Variants in PHF21B observed in about 807,000 individuals in gnomAD.
PHF21B encodes the protein PHD finger protein 4.
PHF21B carries 22 observed loss-of-function variants against 62.2 expected under a neutral mutation model. That is an observed-to-expected ratio of 0.35 (90% CI 0.25 to 0.51). The LOEUF (loss-of-function observed/expected upper bound fraction) is 0.51. Among genes scored for constraint, PHF21B ranks in the 20% least tolerant of loss-of-function variants. The pLI, the probability that PHF21B is intolerant of heterozygous loss-of-function variation, is 0.97. For missense variants in PHF21B, 701 were observed against 707.9 expected (o/e 0.99, Z 0.11); for synonymous variants, 341 against 314.7 (o/e 1.08, Z -0.88).
At chr22:44,977,446 G>C (rs55809619) in intron 2 of PHF21B, among the ~76,000 whole-genome samples, 3 of 151,996 alleles carry the variant, frequency 2.0e-5, no homozygotes, top group African/African-American at 7.3e-5. Flanking sequence ...GCGCCTGTAA[G>C]CCCAGCTACT....
chr22:44,919,703 G>C (rs1415482825), intron 3 of PHF21B, among the ~76,000 whole-genome samples: 1 of 152,250 alleles, frequency 6.6e-6, no homozygotes. Context: ...AGCTGAGCTT[G>C]TGGTAATAAG....
At chr22:44,963,718 C>A (rs2072470037) in intron 2 of PHF21B, among the ~76,000 whole-genome samples, 1 of 152,224 alleles carries the variant, frequency 6.6e-6, no homozygotes. Context: ...CCAGGCCCAG[C>A]ACCTGAACTC....
At chr22:44,957,618 A>G (rs2072327998) in intron 2 of PHF21B, among the ~76,000 whole-genome samples, 1 of 152,002 alleles carries the variant, frequency 6.6e-6, no homozygotes, top group Non-Finnish European at 1.5e-5. Context: ...TCCTCCTGCT[A>G]ATTTTTCCTA....
intron 2 of PHF21B, among the ~76,000 whole-genome samples, chr22:44,931,431 G>A (rs746098935): frequency 2.0e-5 from 3 of 152,130 alleles, no homozygotes; most frequent in Admixed American, 6.5e-5. Context: ...TTAACCAATC[G>A]CAGAGGCCTT....
chr22:44,891,322 C>T lies in PHF21B; in HGVS notation c.999G>A (p.Leu333=). Residue 333 remains leucine (L), a synonymous_variant, in exon 8 of 13, where the codon CTG becomes CTA. Transcript: ENST00000313237. ...GGTGCTTACCTCTCGCTGTGAGGAACAGGGGGTTGTTGAGATAGTTGGAGG... is the reference window on the plus strand; with the variant it reads ...GGTGCTTACCTCTCGCTGTGAGGAATAGGGGGTTGTTGAGATAGTTGGAGG... ...RLASNYLNNP[L]FLTARANEDP... 1.2e-6 allele frequency: 2 copies of T among 1,614,042 alleles called. No homozygotes were observed. The highest frequency in any genetic ancestry group is 1.7e-6 in the Non-Finnish European group (2 of 1,180,024).
In PHF21B at chr22:44,913,932, G is replaced by C; in HGVS notation, c.721C>G (p.Gln241Glu). 3 of 1,613,784 alleles carry C rather than the reference G, an allele frequency of 1.9e-6. No individual in the cohort carries two copies. Among genetic ancestry groups the C allele is most frequent in the Non-Finnish European group, 1.7e-6 (2 of 1,179,926 alleles). ...VIIIQPQVQTQPESTAESRPP... is the reference protein window; with the variant it reads ...VIIIQPQVQTEPESTAESRPP... Reference sequence around the variant, plus strand: ...CGCGACTCTGCCGTGCTCTCGGGCTGCGTCTGCACTTGAGGCTGAATGATG... The same window carrying C: ...CGCGACTCTGCCGTGCTCTCGGGCTCCGTCTGCACTTGAGGCTGAATGATG... The change falls in exon 5 of 13, where the codon CAG (glutamine) becomes GAG (glutamate). Residue 241 changes from glutamine to glutamate, a missense_variant. By Grantham distance (29) the Gln-to-Glu change is conservative. Transcript: ENST00000313237.
chr22:44,910,490 G>A (rs1198003696), intron 5 of PHF21B, among the ~76,000 whole-genome samples: 1 of 152,162 alleles, frequency 6.6e-6, no homozygotes, highest in East Asian at 1.9e-4. Context: ...GACCTGGTGG[G>A]AGGTAATTGA....
Position 44,887,395 on chromosome 22 carries a change from T to C in PHF21B, c.1197+568A>G, listed in dbSNP as rs183199940. On this transcript the variant is annotated intron_variant, in intron 10 of 12. Transcript: ENST00000313237. ...TGTTTTTTATCTTTATAATTCCATA[T>C]AGTGAACAAGATCCAGAGAATCACA... Among the ~76,000 whole-genome samples, 163 of 152,260 alleles carry C rather than the reference T, an allele frequency of 1.1e-3. 2 individuals carry two copies. Among genetic ancestry groups the C allele is most frequent in the Non-Finnish European group, 5.0e-4 (34 of 68,018 alleles).
chr22:44,943,146 C>T (rs2147369142), intron 2 of PHF21B, among the ~76,000 whole-genome samples: 1 of 152,284 alleles, frequency 6.6e-6, no homozygotes, highest in South Asian at 2.1e-4. Context: ...CCCCAACATG[C>T]TCCGGGGTTG....
chr22:44,956,958 G>A (rs2072310631), intron 2 of PHF21B, among the ~76,000 whole-genome samples: 1 of 152,206 alleles, frequency 6.6e-6, no homozygotes, highest in Non-Finnish European at 1.5e-5. Context: ...CAACCACAGG[G>A]AAAGAGGAGG....
chr22:44,986,144 C>G (rs1219230217), intron 2 of PHF21B, among the ~76,000 whole-genome samples: 1 of 151,220 alleles, frequency 6.6e-6, no homozygotes, highest in Non-Finnish European at 1.5e-5. Flanking sequence ...GCAGCACCAC[C>G]AACACCATGA....
At chr22:44,944,500 T>A (rs1337094177) in intron 2 of PHF21B, among the ~76,000 whole-genome samples, 1 of 152,046 alleles carries the variant, frequency 6.6e-6, no homozygotes, top group Non-Finnish European at 1.5e-5. Flanking sequence ...CAATAACAAG[T>A]TTGTATTATT....
chr22:44,973,851 AG>A (rs1251815110), intron 2 of PHF21B, among the ~76,000 whole-genome samples: 1 of 152,254 alleles, frequency 6.6e-6, no homozygotes, highest in Non-Finnish European at 1.5e-5. Flanking sequence ...CTGGGAAGTC[AG>A]GGAAGACTTC....
intron 2 of PHF21B, among the ~76,000 whole-genome samples, chr22:45,004,081 AG>A (rs1035823245): frequency 3.3e-5 from 5 of 151,542 alleles, no homozygotes; most frequent in African/African-American, 1.2e-4. Flanking sequence ...AAGCTGGGGA[AG>A]GGGGAAAGGG....
At chr22:44,980,723 C>T (rs1404706063) in intron 2 of PHF21B, among the ~76,000 whole-genome samples, 1 of 152,136 alleles carries the variant, frequency 6.6e-6, no homozygotes, top group Admixed American at 6.5e-5. Flanking sequence ...ACACCTGTGT[C>T]TCTTCCAAGG....
At chr22:44,904,039 A>C (rs2071206903) in intron 5 of PHF21B, among the ~76,000 whole-genome samples, 1 of 150,566 alleles carries the variant, frequency 6.6e-6, no homozygotes, top group Non-Finnish European at 1.5e-5. Flanking sequence ...CTCCACATTC[A>C]CTTTTTTTTT....
intron 2 of PHF21B, among the ~76,000 whole-genome samples, chr22:44,956,841 C>T (rs1483973440): frequency 1.3e-5 from 2 of 152,222 alleles, no homozygotes; most frequent in Admixed American, 6.5e-5. Flanking sequence ...CCTCCTCCTC[C>T]GACCTCCCTC....
intron 7 of PHF21B, among the ~76,000 whole-genome samples, chr22:44,891,922 C>T (rs985893578): frequency 6.6e-6 from 1 of 152,160 alleles, no homozygotes; most frequent in African/African-American, 2.4e-5. Context: ...TGTTGTAATA[C>T]TGCGTGGCCA....
intron 2 of PHF21B, among the ~76,000 whole-genome samples, chr22:44,983,245 A>G (rs2072875785): frequency 1.3e-5 from 1 of 74,212 alleles, no homozygotes; most frequent in Non-Finnish European, 2.9e-5. Context: ...AAAAAAAAAA[A>G]AAAAAAAGGC....
Sources: gnomAD v4.1 joint callset for allele counts (sites outside exome capture counted in the v4.1 genomes callset) on GRCh38, gnomAD v4.1.1 for gene constraint, MANE v1.5 for transcripts, NCBI Gene and HGNC (gene_info 2026-07-23, HGNC 2026-07-21) for gene names.